ACTR3C: variants seen among roughly 807,000 people sequenced by gnomAD.
The protein encoded by ACTR3C is actin related protein 3C.
ACTR3C carries 18 observed loss-of-function variants against 26.3 expected under a neutral mutation model. The ratio of observed to expected loss-of-function variants is 0.68; its 90% confidence interval spans 0.47 to 1.01. The LOEUF is 1.01. ACTR3C is among the 50% of genes least tolerant of loss of function. The pLI is 0.00. For missense variants in ACTR3C, 184 were observed against 250.7 expected (o/e 0.73, Z 1.80); for synonymous variants, 55 against 94.5 (o/e 0.58, Z 2.42).
the ACTR3C span, among the ~76,000 whole-genome samples, chr7:150,146,307 C>T: frequency 2.0e-4 from 31 of 152,236 alleles, no homozygotes; most frequent in African/African-American, 6.3e-4. Context: ...CAGCTCTGTA[C>T]GCCCAGGAAG....
the ACTR3C span, among the ~76,000 whole-genome samples, chr7:150,227,126 G>T: frequency 0.053 from 7,973 of 150,370 alleles, 377 homozygotes; most frequent in African/African-American, 0.12. Flanking sequence ...ACTTAACATT[G>T]TGTGTGTGTG....
chr7:150,037,936 C>G, the ACTR3C span, among the ~76,000 whole-genome samples: 208 of 137,834 alleles, frequency 1.5e-3, 27 homozygotes, highest in African/African-American at 5.1e-3. Context: ...TGCCTCCCCC[C>G]CTGCGATGGC....
the ACTR3C span, among the ~76,000 whole-genome samples, chr7:150,208,724 T>G: frequency 2.0e-5 from 3 of 152,134 alleles, no homozygotes; most frequent in Non-Finnish European, 4.4e-5. Context: ...ATATCCAGCA[T>G]GTACAAGATA....
At chr7:149,942,571 T>C in the ACTR3C span, among the ~76,000 whole-genome samples, 144,915 of 150,432 alleles carry the variant, frequency 0.96, 70,015 homozygotes, top group Non-Finnish European at 0.99. Context: ...TCCCTTAAGC[T>C]CGAACATCAC....
chr7:150,047,924 C>G, the ACTR3C span: 1 of 1,297,780 alleles, frequency 7.7e-7, no homozygotes, highest in African/African-American at 1.6e-5. Context: ...GTTCCCACTC[C>G]CCACCCCGCT....
the ACTR3C span, among the ~76,000 whole-genome samples, chr7:149,983,449 G>GTGTGTGTGTATATATATATA: frequency 8.6e-5 from 2 of 23,322 alleles, no homozygotes; most frequent in Non-Finnish European, 1.6e-4. Flanking sequence ...GTGTGTGTGT[G>GTGTGTGTGTATATATATATA]TATATATATA....
At chr7:150,012,046 G>A in the ACTR3C span, among the ~76,000 whole-genome samples, 3 of 152,262 alleles carry the variant, frequency 2.0e-5, no homozygotes, top group South Asian at 6.2e-4. Flanking sequence ...TGAGAGCAGC[G>A]ATGGGGTATT....
the ACTR3C span, among the ~76,000 whole-genome samples, chr7:149,910,170 T>C: frequency 6.7e-6 from 1 of 148,650 alleles, no homozygotes; most frequent in Non-Finnish European, 1.5e-5. Flanking sequence ...CTCTAAGAAG[T>C]GTACTTACTT....
chr7:150,198,782 C>A, the ACTR3C span, among the ~76,000 whole-genome samples: 1 of 142,858 alleles, frequency 7.0e-6, no homozygotes, highest in East Asian at 2.2e-4. Context: ...GCCTGGCCAG[C>A]CGTGCCGTCC....
the ACTR3C span, among the ~76,000 whole-genome samples, chr7:150,021,130 TA>T: frequency 5.8e-3 from 860 of 148,990 alleles, 18 homozygotes; most frequent in African/African-American, 0.021. Flanking sequence ...CTTTTTTTTT[TA>T]AAAAAAATAT....
the ACTR3C span, among the ~76,000 whole-genome samples, chr7:149,970,558 C>T: frequency 6.6e-6 from 1 of 152,164 alleles, no homozygotes; most frequent in African/African-American, 2.4e-5. Flanking sequence ...TTAATAGCAC[C>T]ACTCTTCTCT....
the ACTR3C span, among the ~76,000 whole-genome samples, chr7:150,167,035 T>TATATAC: frequency 3.4e-5 from 5 of 148,322 alleles, 1 homozygote; most frequent in South Asian, 2.1e-4. Context: ...TATATATATA[T>TATATAC]GGTATTTCTC....
the ACTR3C span, among the ~76,000 whole-genome samples, chr7:150,194,902 T>G: frequency 6.6e-6 from 1 of 152,090 alleles, no homozygotes; most frequent in South Asian, 2.1e-4. Context: ...AAGACCAGCC[T>G]GGCCAACATG....
the ACTR3C span, among the ~76,000 whole-genome samples, chr7:150,033,912 C>A: frequency 6.8e-6 from 1 of 146,840 alleles, no homozygotes. Flanking sequence ...GTCCCCGCGT[C>A]GCGAGGGGTG....
chr7:149,888,950 G>A, the ACTR3C span, among the ~76,000 whole-genome samples: 18 of 152,076 alleles, frequency 1.2e-4, 1 homozygote, highest in South Asian at 3.7e-3. Context: ...GGAGGTTGCA[G>A]TGAGCTGAGA....
chr7:150,317,509 T>G (rs998015187), intron 1 of ACTR3C, among the ~76,000 whole-genome samples: 3 of 152,238 alleles, frequency 2.0e-5, no homozygotes, highest in African/African-American at 7.2e-5. Context: ...TGCAATCAAG[T>G]CACTTGAAAT....
chr7:149,966,513 C>G, the ACTR3C span, among the ~76,000 whole-genome samples: 1 of 152,214 alleles, frequency 6.6e-6, no homozygotes, highest in African/African-American at 2.4e-5. Context: ...AGCATTCTCA[C>G]ATAGCATTAC....
At chr7:149,886,197 G>A in the ACTR3C span, among the ~76,000 whole-genome samples, 1 of 152,112 alleles carries the variant, frequency 6.6e-6, no homozygotes, top group Non-Finnish European at 1.5e-5. Context: ...TTCCTGTCAT[G>A]GTCACCACAC....
the ACTR3C span, among the ~76,000 whole-genome samples, chr7:150,114,764 G>A: frequency 6.6e-6 from 1 of 152,100 alleles, no homozygotes; most frequent in African/African-American, 2.4e-5. Flanking sequence ...AGCCCTGAAC[G>A]CACCTGATCT....
Sources: allele counts gnomAD v4.1 joint callset (sites outside exome capture counted in the v4.1 genomes callset), GRCh38; gene constraint gnomAD v4.1.1; transcripts MANE v1.5; gene names NCBI Gene and HGNC (gene_info 2026-07-23, HGNC 2026-07-21).